The following NEO1 variants were observed in gnomAD, a reference collection of about 807,000 sequenced individuals.
The protein encoded by NEO1 is neogenin.
A neutral mutation model predicts 159.7 loss-of-function variants in NEO1; 63 were observed. The ratio of observed to expected loss-of-function variants is 0.39; its 90% CI spans 0.32 to 0.49. The LOEUF is 0.49. Ranked by LOEUF, NEO1 falls within the 20% of genes least tolerant of loss-of-function variation. The probability of loss-of-function intolerance (pLI) is 0.85; values close to 1 mark genes in which losing one functional copy is unlikely to be tolerated. For missense variants in NEO1, 1,615 were observed against 1,831.0 expected (o/e 0.88, Z 2.15); for synonymous variants, 633 against 662.0 (o/e 0.96, Z 0.67).
chr15:73,226,984 G>T (rs1287328792), intron 7 of NEO1, among the ~76,000 whole-genome samples: 1 of 152,094 alleles, frequency 6.6e-6, no homozygotes. Flanking sequence ...CTTAACCAAG[G>T]GTGCAACATG....
rs565737246 is a variant in NEO1 at position 73,081,559 on chromosome 15, T to C, written c.130+28754T>C. Among the ~76,000 whole-genome samples, 8 of 152,232 alleles carry C rather than the reference T, an allele frequency of 5.3e-5. No individual in the cohort carries two copies. The East Asian group carries it at 1.3e-3, about 26-fold the overall frequency. On this transcript the variant is annotated intron_variant, in intron 1 of 28. Transcript: ENST00000261908. ...GGATCTGCCACCTGGTGGTGAAATA[T>C]TACAGCAAGTACTAAGTGTTTTGTT... is the stretch of plus-strand genomic sequence containing the variant.
At chr15:73,300,123 G>A (rs1020056977) in intron 27 of NEO1, 2 of 152,126 alleles carry the variant, frequency 1.3e-5, no homozygotes, top group Non-Finnish European at 2.9e-5. Flanking sequence ...TGCAAATTCT[G>A]CAAATAGTGA....
intron 1 of NEO1, among the ~76,000 whole-genome samples, chr15:73,098,547 A>G (rs2070216677): frequency 6.6e-6 from 1 of 152,172 alleles, no homozygotes; most frequent in Non-Finnish European, 1.5e-5. Flanking sequence ...TTAATTTGTT[A>G]TAGAAATCAC....
chr15:73,258,629 T>C, intron 13 of NEO1, 137 bp from the exon 14 acceptor site: 1 of 637,950 alleles, frequency 1.6e-6, no homozygotes, highest in Non-Finnish European at 2.7e-6. Flanking sequence ...TTGCCTACAC[T>C]GTATTAACTT....
At position 73,254,723 on chromosome 15, in the gene NEO1, A is replaced by G; in HGVS notation, c.1986A>G (p.Gln662=). The G allele has an allele frequency of 1.2e-6, 2 of 1,614,000 alleles. No homozygotes were observed. Among genetic ancestry groups the G allele is most frequent in the Non-Finnish European group, 1.7e-6 (2 of 1,179,958 alleles). Residue 662 remains glutamine (Q), a synonymous_variant, in exon 13 of 29, where the codon CAA becomes CAG. Transcript: ENST00000261908. ...IHWQPPAPAT[Q]NGQITGYKIR... is the part of the protein sequence containing the mutation. ...GGCAGCCACCTGCTCCAGCCACACA[A>G]AATGGGCAGATTACTGGCTACAAGA...
chr15:73,185,008 A>G (rs930853016), intron 7 of NEO1, among the ~76,000 whole-genome samples: 2 of 152,202 alleles, frequency 1.3e-5, no homozygotes, highest in African/African-American at 4.8e-5. Flanking sequence ...TATAAATGCA[A>G]ATTACCAAGT....
upstream of NEO1, among the ~76,000 whole-genome samples, chr15:73,052,195 C>T (rs889391404): frequency 3.5e-5 from 5 of 142,200 alleles, no homozygotes; most frequent in African/African-American, 1.3e-4. Context: ...CGCCACGGCC[C>T]GAGAGGCGGC....
chr15:73,298,311 C>T (rs1490780819), intron 26 of NEO1, 37 bp from the exon 27 acceptor site: 1 of 1,609,200 alleles, frequency 6.2e-7, no homozygotes, highest in East Asian at 2.2e-5. Flanking sequence ...TATTTAATGG[C>T]AAAAGAAATG....
chr15:73,157,039 G>A (rs58181983), intron 5 of NEO1, among the ~76,000 whole-genome samples: 1,939 of 152,260 alleles, frequency 0.013, 30 homozygotes, highest in African/African-American at 0.044. Context: ...CCCAGTCCTG[G>A]CAGAGTTCCC....
intron 7 of NEO1, among the ~76,000 whole-genome samples, chr15:73,197,366 A>G (rs1339992518): frequency 6.6e-6 from 1 of 152,142 alleles, no homozygotes; most frequent in Admixed American, 6.5e-5. Flanking sequence ...CTCAAAAAGA[A>G]AAAAATATAC....
intron 7 of NEO1, among the ~76,000 whole-genome samples, chr15:73,207,488 C>G (rs1041399263): frequency 1.3e-5 from 2 of 152,202 alleles, no homozygotes; most frequent in African/African-American, 4.8e-5. Context: ...GTGTATCATT[C>G]AAGGCCCAGC....
Position 73,303,272 on chromosome 15 carries a change from T to A in NEO1, c.*576T>A, listed in dbSNP as rs999383559. 6.5e-6 allele frequency: 1 copy of A among 152,672 alleles called. No individual in the cohort carries two copies. Among genetic ancestry groups the A allele is most frequent in the East Asian group, 1.9e-4 (1 of 5,200 alleles). 9.5% of individuals were successfully genotyped at this position (152,672 alleles called of 1,614,324 possible). On this transcript the variant is annotated 3_prime_UTR_variant, in exon 29 of 29. Transcript: ENST00000261908. ...ATTTTTATTTTTTAATTCTGAGTCA[T>A]TGCATCCTCTACCAGCTGTTAATCC...
At chr15:73,187,488 G>A (rs904516458) in intron 7 of NEO1, among the ~76,000 whole-genome samples, 8 of 152,050 alleles carry the variant, frequency 5.3e-5, no homozygotes, top group Non-Finnish European at 1.2e-4. Flanking sequence ...AAACTATCAC[G>A]GCTGAAAGAT....
chr15:73,253,181 C>T (rs1051404734), intron 11 of NEO1, among the ~76,000 whole-genome samples: 5 of 152,016 alleles, frequency 3.3e-5, no homozygotes, highest in African/African-American at 1.2e-4. Context: ...TAGGTGCTTT[C>T]CCATATGAAA....
At chr15:73,149,039 A>C (rs1354976510) in intron 5 of NEO1, among the ~76,000 whole-genome samples, 3 of 151,992 alleles carry the variant, frequency 2.0e-5, no homozygotes, top group African/African-American at 7.2e-5. Context: ...AGTTTTGTCC[A>C]GGGGCCGTAG....
In NEO1 at chr15:73,298,707, A is replaced by G. The variant is rs530862286; in HGVS notation, c.4165+96A>G. On this transcript the variant is annotated intron_variant, in intron 27 of 28. Transcript: ENST00000261908. ...AGCCACCCCTTCTTTGAAGTATAGC[A>G]AAGCAAATATCCTCCAAGCCTATCT... 3,545 of 1,488,524 alleles carry G rather than the reference A, an allele frequency of 2.4e-3. 5 individuals are homozygous for G. Among genetic ancestry groups the G allele is most frequent in the Non-Finnish European group, 3.0e-3 (3,330 of 1,093,800 alleles). 92.2% of individuals were successfully genotyped at this position (1,488,524 alleles called of 1,614,324 possible). A position where few individuals can be genotyped will look rare whatever the true frequency, so the allele number is the denominator to read the frequency against.
chr15:73,166,320 A>G (rs973830559), intron 5 of NEO1, among the ~76,000 whole-genome samples: 8 of 152,184 alleles, frequency 5.3e-5, no homozygotes, highest in African/African-American at 1.7e-4. Flanking sequence ...AACTAGAATT[A>G]CCATTTGAAC....
chr15:73,089,378 G>A (rs901685079), intron 1 of NEO1, among the ~76,000 whole-genome samples: 2 of 152,038 alleles, frequency 1.3e-5, no homozygotes, highest in South Asian at 2.1e-4. Context: ...ATATCTCCTA[G>A]GCAATATTTT....
At chr15:73,216,400 C>A (rs1596366082) in intron 7 of NEO1, among the ~76,000 whole-genome samples, 1 of 152,094 alleles carries the variant, frequency 6.6e-6, no homozygotes, top group African/African-American at 2.4e-5. Context: ...CATACATGTG[C>A]ATGTGTCTTT....
Sources: gnomAD v4.1 joint callset for allele counts (sites outside exome capture counted in the v4.1 genomes callset) on GRCh38, gnomAD v4.1.1 for gene constraint, MANE v1.5 for transcripts, NCBI Gene and HGNC (gene_info 2026-07-23, HGNC 2026-07-21) for gene names.